GPR157: variants seen among roughly 807,000 people sequenced by gnomAD.
The protein encoded by GPR157 is G-protein coupled receptor 157.
Under a neutral mutation model 23.5 loss-of-function variants are expected in GPR157, and 16 were observed. The ratio of observed to expected loss-of-function variants is 0.68; its 90% CI spans 0.46 to 1.04. The LOEUF (loss-of-function observed/expected upper bound fraction) is 1.04, where lower values mean the gene tolerates loss of function less well. Among genes scored for constraint, GPR157 ranks in the 50% least tolerant of loss-of-function variants. GPR157 has a pLI of 0.00. For missense variants in GPR157, 440 were observed against 460.7 expected (o/e 0.96, Z 0.41); for synonymous variants, 200 against 221.5 (o/e 0.90, Z 0.86).
intron 1 of GPR157, among the ~76,000 whole-genome samples, chr1:9,116,733 A>T (rs1638689193): frequency 6.7e-6 from 1 of 150,214 alleles, no homozygotes; most frequent in South Asian, 2.1e-4. Context: ...GACAGAGGAA[A>T]AAAAAAAAAA....
At position 9,116,283 on chromosome 1, in the gene GPR157, A is replaced by T. The variant is rs1202507345; in HGVS notation, c.384-4794T>A. Reference sequence around the variant, plus strand: ...TTATATATAATATAATTATATATAAATTATATATAAATTATATATATTATA... The same window carrying T: ...TTATATATAATATAATTATATATAATTTATATATAAATTATATATATTATA... On this transcript the variant is annotated intron_variant, in intron 1 of 3. Coordinates refer to ENST00000377411, the MANE Select transcript of GPR157 (RefSeq NM_024980.5). Among the ~76,000 whole-genome samples the T allele has an allele frequency of 4.3e-4, 6 of 14,020 alleles. 2 individuals carry two copies. Among genetic ancestry groups the T allele is most frequent in the Non-Finnish European group, 5.7e-4 (6 of 10,564 alleles). The allele number at this position is 14,020 out of a possible 152,430, so 9.2% of individuals were successfully genotyped here.
chr1:9,107,442 T>C (rs1638368367), intron 2 of GPR157, among the ~76,000 whole-genome samples: 1 of 151,814 alleles, frequency 6.6e-6, no homozygotes, highest in Non-Finnish European at 1.5e-5. Flanking sequence ...AATTTGAGAG[T>C]AACCTGGGCA....
rs532507483 is a variant in GPR157 at position 9,128,830 on chromosome 1, G to A, written c.198C>T (p.Tyr66=). The A allele has an allele frequency of 1.9e-6, 3 of 1,607,166 alleles. No individual in the cohort carries two copies. In the East Asian group the frequency reaches 6.7e-5, roughly 36 times the overall value. Reference sequence around the variant, plus strand: ...GGCCCGCGAAGTTCTGCAGCACTCCGTAGAAGTAGGAGGCGGCCGAGAGCA... The same window carrying A: ...GGCCCGCGAAGTTCTGCAGCACTCCATAGAAGTAGGAGGCGGCCGAGAGCA... ...ADLLSAASYF[Y]GVLQNFAGPS... Residue 66 remains tyrosine, a synonymous_variant, in exon 1 of 4, where the codon TAC becomes TAT. Transcript: ENST00000377411. The surrounding 1 kb of genome is among the most constrained non-coding windows in gnomAD (Gnocchi z 6.3).
chr1:9,113,245 A>T (rs1330060773), intron 1 of GPR157, among the ~76,000 whole-genome samples: 1 of 152,092 alleles, frequency 6.6e-6, no homozygotes, highest in Admixed American at 6.6e-5. Flanking sequence ...AGACACAAGT[A>T]CCCCTGTCCT....
rs112464590 is a variant in GPR157, at chr1:9,108,424, C to T, written c.598-2744G>A. Among the ~76,000 whole-genome samples, 17 of 152,320 alleles carry T rather than the reference C, an allele frequency of 1.1e-4. No individual in the cohort carries two copies. The East Asian group carries it at 1.7e-3, about 16-fold the overall frequency. Reference sequence around the variant, plus strand: ...CACCCGTAAGGGTCAGCCTCAGCCCCGCAGGCTTCCTGCCCTGCCAAAGGA... The same window carrying T: ...CACCCGTAAGGGTCAGCCTCAGCCCTGCAGGCTTCCTGCCCTGCCAAAGGA... On this transcript the variant is annotated intron_variant, in intron 2 of 3. Coordinates refer to ENST00000377411, the MANE Select transcript of GPR157 (RefSeq NM_024980.5).
At chr1:9,111,517 C>T (rs774675949) in intron 1 of GPR157, 28 bp from the exon 2 acceptor site, 11 of 1,590,846 alleles carry the variant, frequency 6.9e-6, no homozygotes, top group African/African-American at 1.3e-5. Context: ...AAAGAGGCAT[C>T]GGGGTCAGGC....
intron 1 of GPR157, among the ~76,000 whole-genome samples, chr1:9,112,370 C>T (rs1470413732): frequency 1.3e-5 from 2 of 152,254 alleles, no homozygotes; most frequent in East Asian, 1.9e-4. Flanking sequence ...TACACAATGG[C>T]GGGGAACAGA....
At position 9,104,639 on chromosome 1, in the gene GPR157, C is replaced by CG. The variant is rs775986344; in HGVS notation, c.793-6dup. 1.8e-5 allele frequency: 29 copies of CG among 1,584,386 alleles called. No homozygotes were observed. Among genetic ancestry groups the CG allele is most frequent in the Middle Eastern group, 1.8e-4 (1 of 5,494 alleles). On this transcript the variant is annotated splice_polypyrimidine_tract_variant and splice_region_variant and intron_variant, in intron 3 of 3. Transcript: ENST00000377411. ...CTGAAACGTGTTCCCGATACCCTGT[C>CG]GGGAGAAAAGGAGCTGTGAGCATGG...
At chr1:9,115,786 A>G (rs902808923) in intron 1 of GPR157, among the ~76,000 whole-genome samples, 7 of 151,308 alleles carry the variant, frequency 4.6e-5, no homozygotes, top group Admixed American at 1.3e-4. Flanking sequence ...TTAAGTCTAG[A>G]TCAGGGGTCC....
rs762095374 is a variant in GPR157 at position 9,104,568 on chromosome 1, G to C, written c.859C>G (p.Arg287Gly). Residue 287 changes from arginine to glycine, a missense_variant, in exon 4 of 4, where the codon CGA becomes GGA. Transcript: ENST00000377411. ...CAACAGAGAGAGAAGAGCCGAGTTC[G>C]GACGGCGCGGGTGCAGAGGACGAAC... ...IMFVLCTRAV[R>G]TRLFSLCCCC... is the part of the protein sequence containing the mutation. 1 of 1,613,712 alleles carries C rather than the reference G, an allele frequency of 6.2e-7. No individual in the cohort carries two copies. The highest frequency in any genetic ancestry group is 8.5e-7 in the Non-Finnish European group (1 of 1,179,916).
chr1:9,123,303 ATTTAAATATAT>A (rs1280395514), intron 1 of GPR157, among the ~76,000 whole-genome samples: 17 of 47,352 alleles, frequency 3.6e-4, no homozygotes, highest in East Asian at 2.8e-3. Flanking sequence ...TATATATTTA[ATTTAAATATAT>A]ATTAAAATAT....
chr1:9,123,230 TTAAATATA>T (rs1638843983), intron 1 of GPR157, among the ~76,000 whole-genome samples: 1 of 113,628 alleles, frequency 8.8e-6, no homozygotes, highest in Non-Finnish European at 1.7e-5. Context: ...AAATATATAT[TTAAATATA>T]TATTAATTTA....
chr1:9,116,765 A>C (rs1638690038), intron 1 of GPR157, among the ~76,000 whole-genome samples: 1 of 151,292 alleles, frequency 6.6e-6, no homozygotes, highest in Non-Finnish European at 1.5e-5. Context: ...TTTTAGAGAC[A>C]GGGTCTTGCT....
In GPR157 at chr1:9,103,113, A is replaced by AAC. The variant is rs964806039; in HGVS notation, c.*1305_*1306insGT. ...AATGAGGCTCCTTTTTTAAAAAAAA[A>AAC]AAAAAAAAAAAACTGACTCTGAAGC... On this transcript the variant is annotated 3_prime_UTR_variant, in exon 4 of 4. Transcript: ENST00000377411. 2 of 151,304 alleles carry AAC rather than the reference A, an allele frequency of 1.3e-5. No individual in the cohort carries two copies. The highest frequency in any genetic ancestry group is 4.9e-5 in the African/African-American group (2 of 41,128). The allele number at this position is 151,304 out of a possible 1,614,324, so 9.4% of individuals were successfully genotyped here.
chr1:9,107,348 A>AT (rs939357105), intron 2 of GPR157, among the ~76,000 whole-genome samples: 14 of 152,146 alleles, frequency 9.2e-5, no homozygotes, highest in East Asian at 7.7e-4. Context: ...TGAACACGTG[A>AT]TTTTTTTTGG....
intron 1 of GPR157, among the ~76,000 whole-genome samples, chr1:9,111,719 C>A (rs1459613018): frequency 6.6e-6 from 1 of 152,208 alleles, no homozygotes; most frequent in East Asian, 1.9e-4. Context: ...GGACAGCCAG[C>A]TCCCAGCGTG....
chr1:9,104,412 CAA>C lies in GPR157; in HGVS notation c.*5_*6del. On this transcript the variant is annotated 3_prime_UTR_variant, in exon 4 of 4. Transcript: ENST00000377411. ...CACCTATGCACAGAACTAGAAAGGA[CAA>C]AAGCTCAGGTGCTTGGAAGTTCCCC... 1 of 1,612,214 alleles carries C rather than the reference CAA, an allele frequency of 6.2e-7. No individual in the cohort carries two copies. The highest frequency in any genetic ancestry group is 8.5e-7 in the Non-Finnish European group (1 of 1,178,406).
chr1:9,119,055 GGAATCTCACTGTGTCTCCCA>G (rs1638746379), intron 1 of GPR157, among the ~76,000 whole-genome samples: 1 of 143,152 alleles, frequency 7.0e-6, no homozygotes, highest in Non-Finnish European at 1.5e-5. Flanking sequence ...TTTTTGAGAT[GGAATCTCACTGTGTCTCCCA>G]GGCTGGAGTG....
At chr1:9,121,060 C>T (rs552779973) in intron 1 of GPR157, among the ~76,000 whole-genome samples, 72 of 152,140 alleles carry the variant, frequency 4.7e-4, no homozygotes, top group African/African-American at 1.4e-3. Flanking sequence ...AGGCCAGGTG[C>T]GGTGGCTCAC....
Sources: gnomAD v4.1 joint callset for allele counts (sites outside exome capture counted in the v4.1 genomes callset) on GRCh38, gnomAD v4.1.1 for gene constraint, Gnocchi (gnomAD v3.1) non-coding constraint, MANE v1.5 for transcripts, NCBI Gene and HGNC (gene_info 2026-07-23, HGNC 2026-07-21) for gene names.